IL1B: variants seen among roughly 807,000 people sequenced by gnomAD.
IL1B encodes the protein interleukin 1 beta.
Under a neutral mutation model 26.2 loss-of-function variants are expected in IL1B, and 11 were observed. That is an observed-to-expected ratio of 0.42 (90% CI 0.26 to 0.70). IL1B has a LOEUF of 0.70. Ranked by LOEUF, IL1B falls within the 30% of genes least tolerant of loss-of-function variation. The pLI, the probability that IL1B is intolerant of heterozygous loss-of-function variation, is 0.25. For missense variants in IL1B, 255 were observed against 327.5 expected (o/e 0.78, Z 1.71); for synonymous variants, 118 against 120.8 (o/e 0.98, Z 0.15).
At position 112,833,524 on chromosome 2, in the gene IL1B, G is replaced by A. The variant is rs1466522013; in HGVS notation, c.151C>T (p.Arg51Ter). 1 of 1,614,128 alleles carries A rather than the reference G, an allele frequency of 6.2e-7. No individual in the cohort carries two copies. The highest frequency in any genetic ancestry group is 1.7e-5 in the Admixed American group (1 of 60,032). ...LCPLDGGIQL[R>*]ISDHHYSKGF... is the part of the protein sequence containing the mutation. ...TTGCTGTAGTGGTGGTCGGAGATTC[G>A]TAGCTGGATGCCGCCATCCAGAGGG... Residue 51 changes from arginine to a stop codon, truncating the protein, a stop_gained, in exon 4 of 7, where the codon CGA becomes TGA. Transcript: ENST00000263341. LOFTEE classifies it high-confidence loss of function.
intron 6 of IL1B, among the ~76,000 whole-genome samples, chr2:112,830,970 G>A (rs1333571521): frequency 1.3e-5 from 2 of 152,026 alleles, no homozygotes; most frequent in Non-Finnish European, 2.9e-5. Flanking sequence ...TGGGAGTGGA[G>A]TGGACATGAT....
At chr2:112,834,208 C>T (rs1332712992) in intron 3 of IL1B, among the ~76,000 whole-genome samples, 1 of 152,080 alleles carries the variant, frequency 6.6e-6, no homozygotes, top group Non-Finnish European at 1.5e-5. Context: ...GTACATGCCC[C>T]ACCTACACCA....
At chr2:112,831,519 C>T in intron 5 of IL1B, 97 bp from the exon 6 acceptor site, 1 of 1,434,598 alleles carries the variant, frequency 7.0e-7, no homozygotes. Flanking sequence ...ATTTGGTAGC[C>T]TCTGTGGGAA....
Position 112,830,497 on chromosome 2 carries a change from T to G in IL1B, c.674A>C (p.Lys225Thr). ...GAACTGGGCAGACTCAAATTCCAGC[T>G]TGTTATTGATTTCTATCTTGTTGAA... The part of the protein sequence containing the change: ...FVFNKIEINN[K>T]LEFESAQFPN... Residue 225 changes from lysine to threonine, a missense_variant, in exon 7 of 7, where the codon AAG becomes ACG. Transcript: ENST00000263341. 1.9e-6 allele frequency: 3 copies of G among 1,614,092 alleles called. No homozygotes were observed. The highest frequency in any genetic ancestry group is 2.5e-6 in the Non-Finnish European group (3 of 1,179,978).
At chr2:112,835,133 AT>A (rs1455214622) in intron 3 of IL1B, 6 of 252,826 alleles carry the variant, frequency 2.4e-5, no homozygotes, top group African/African-American at 6.6e-5. Flanking sequence ...TCTTGTTGTT[AT>A]AAGCTTCACC....
intron 3 of IL1B, among the ~76,000 whole-genome samples, chr2:112,834,016 A>G (rs1143631): frequency 0.016 from 2,428 of 152,036 alleles, 75 homozygotes; most frequent in African/African-American, 0.056. Flanking sequence ...AAACAAAACA[A>G]AACAAAATAA....
At chr2:112,833,188 ATCT>A in intron 4 of IL1B, 183 bp downstream of exon 4, 1 of 667,162 alleles carries the variant, frequency 1.5e-6, no homozygotes, top group South Asian at 1.7e-5. Context: ...AGCCATCAAG[ATCT>A]TCTTTAAGAA....
chr2:112,831,508 A>G, intron 5 of IL1B, 86 bp from the exon 6 acceptor site: 1 of 1,508,266 alleles, frequency 6.6e-7, no homozygotes, highest in Admixed American at 1.7e-5. Context: ...GGATACATGT[A>G]ATTTGGTAGC....
At chr2:112,836,107 T>G (rs1682084167) in intron 2 of IL1B, 76 bp downstream of exon 2, 1 of 1,406,182 alleles carries the variant, frequency 7.1e-7, no homozygotes, top group Non-Finnish European at 1.0e-6. Flanking sequence ...AAAAATCTGG[T>G]CTCCAAGCAC....
chr2:112,835,654 T>C, intron 2 of IL1B, 37 bp from the exon 3 acceptor site: 1 of 1,554,246 alleles, frequency 6.4e-7, no homozygotes, highest in Non-Finnish European at 8.9e-7. Context: ...AATTATGTCT[T>C]CTAAACAGGT....
chr2:112,833,664 G>C, intron 3 of IL1B, 89 bp from the exon 4 acceptor site: 1 of 1,240,742 alleles, frequency 8.1e-7, no homozygotes. Flanking sequence ...TCAGAGAGGA[G>C]GAAAGGGCTT....
intron 6 of IL1B, 81 bp from the exon 7 acceptor site, chr2:112,830,654 A>G (rs1681967067): frequency 3.0e-6 from 3 of 1,015,226 alleles, no homozygotes; most frequent in Admixed American, 3.4e-5. Context: ...GGTTGGCCAG[A>G]AAGGAAACTG....
chr2:112,832,754 G>T lies in IL1B; in HGVS notation c.374C>A (p.Thr125Lys). ...GCTTTTTTGCTGTGAGTCCCGGAGC[G>T]TGCAGTTCAGTGATCGTACAGGTGC... is the stretch of plus-strand genomic sequence containing the variant. ...HDAPVRSLNC[T>K]LRDSQQKSLV... Residue 125 changes from threonine (T) to lysine (K), a missense_variant, in exon 5 of 7, where the codon ACG (threonine) becomes AAG (lysine). By Grantham distance (78) the Thr-to-Lys change is moderately conservative. Transcript: ENST00000263341. 1 of 1,614,108 alleles carries T rather than the reference G, an allele frequency of 6.2e-7. No individual in the cohort carries two copies. The highest frequency in any genetic ancestry group is 8.5e-7 in the Non-Finnish European group (1 of 1,179,984).
intron 5 of IL1B, 112 bp from the exon 6 acceptor site, chr2:112,831,534 C>T: frequency 2.5e-6 from 3 of 1,201,254 alleles, no homozygotes; most frequent in Non-Finnish European, 3.6e-6. Context: ...TGGGAACCCA[C>T]AGTGAGGTTC....
In IL1B at chr2:112,836,264, T is replaced by C; in HGVS notation, c.-15-20A>G. ...AGACACCTGTGTAAAAAGGAGAAAA[T>C]GAGTGACTTCCCCATGACGGCTACG... is the stretch of plus-strand genomic sequence containing the variant. On this transcript the variant is annotated intron_variant, in intron 1 of 6. Coordinates refer to ENST00000263341, the MANE Select transcript of IL1B (RefSeq NM_000576.3). 1 of 1,588,896 alleles carries C rather than the reference T, an allele frequency of 6.3e-7. No homozygotes were observed. The highest frequency in any genetic ancestry group is 8.6e-7 in the Non-Finnish European group (1 of 1,157,248).
chr2:112,836,039 G>A (rs1374584407), intron 2 of IL1B, 144 bp downstream of exon 2: 1 of 729,306 alleles, frequency 1.4e-6, no homozygotes, highest in Non-Finnish European at 2.4e-6. Flanking sequence ...TGGGAAAGTA[G>A]TCTTTAAATC....
At chr2:112,833,605 T>C (rs1399584055) in intron 3 of IL1B, 30 bp from the exon 4 acceptor site, 16 of 1,598,846 alleles carry the variant, frequency 1.0e-5, no homozygotes, top group African/African-American at 4.0e-5. Context: ...GGGAGCCTGG[T>C]GAGGTGGTCC....
chr2:112,836,604 A>G (rs1682096628), intron 1 of IL1B, 104 bp downstream of exon 1: 1 of 295,450 alleles, frequency 3.4e-6, no homozygotes, highest in East Asian at 8.2e-5. Flanking sequence ...AGGGAGAGAC[A>G]GAGAAAGAAA....
intron 6 of IL1B, among the ~76,000 whole-genome samples, chr2:112,830,929 A>G (rs959439550): frequency 6.6e-6 from 1 of 151,898 alleles, no homozygotes; most frequent in Non-Finnish European, 1.5e-5. Context: ...GCTTTTGCTG[A>G]GAAAGCTGGA....
Sources: allele counts gnomAD v4.1 joint callset (sites outside exome capture counted in the v4.1 genomes callset), GRCh38; gene constraint gnomAD v4.1.1; transcripts MANE v1.5; gene names NCBI Gene and HGNC (gene_info 2026-07-23, HGNC 2026-07-21).